The following DLG2 variants were observed in gnomAD, a reference collection of about 807,000 sequenced individuals.
DLG2 encodes the protein discs large MAGUK scaffold protein 2.
Under a neutral mutation model 132.5 loss-of-function variants are expected in DLG2, and 45 were observed. That is an observed-to-expected ratio of 0.34 (90% CI 0.27 to 0.44). DLG2 has a LOEUF of 0.44. Among genes scored for constraint, DLG2 ranks in the 20% least tolerant of loss-of-function variants. The pLI, the probability that DLG2 is intolerant of heterozygous loss-of-function variation, is 1.00. For synonymous variants in DLG2, 424 were observed against 419.6 expected (o/e 1.01, Z -0.13); for missense variants, 1,045 against 1,196.9 (o/e 0.87, Z 1.87).
chr11:84,431,353 A>G (rs1274926223), intron 7 of DLG2, among the ~76,000 whole-genome samples: 1 of 152,204 alleles, frequency 6.6e-6, no homozygotes, highest in Non-Finnish European at 1.5e-5. Context: ...AAAAACTAGT[A>G]GTAATAATCT....
chr11:84,313,866 T>C (rs2098328008), intron 7 of DLG2, among the ~76,000 whole-genome samples: 1 of 152,168 alleles, frequency 6.6e-6, no homozygotes. Flanking sequence ...TAGATGTACA[T>C]TTTGGAACGC....
chr11:84,886,151 G>A (rs187156090), intron 6 of DLG2, among the ~76,000 whole-genome samples: 456 of 152,136 alleles, frequency 3.0e-3, no homozygotes, highest in Middle Eastern at 0.01. Flanking sequence ...TTTGAAGAAT[G>A]GATAATACTG....
At chr11:84,797,064 C>G (rs2074724876) in intron 6 of DLG2, among the ~76,000 whole-genome samples, 1 of 152,062 alleles carries the variant, frequency 6.6e-6, no homozygotes, top group African/African-American at 2.4e-5. Context: ...TCAGGCTGGT[C>G]TAGCACTCCT....
intron 7 of DLG2, among the ~76,000 whole-genome samples, chr11:84,328,030 C>G (rs747667148): frequency 6.6e-6 from 1 of 152,106 alleles, no homozygotes; most frequent in Non-Finnish European, 1.5e-5. Flanking sequence ...TGTCTCTTCC[C>G]CCAACTCTTC....
intron 6 of DLG2, among the ~76,000 whole-genome samples, chr11:84,923,751 T>C (rs1398194840): frequency 6.6e-6 from 1 of 152,128 alleles, no homozygotes; most frequent in Non-Finnish European, 1.5e-5. Context: ...AGGATCATTG[T>C]CATATAAAGT....
chr11:85,577,838 G>A (rs945586212), intron 3 of DLG2, among the ~76,000 whole-genome samples: 3 of 152,004 alleles, frequency 2.0e-5, no homozygotes, highest in Non-Finnish European at 4.4e-5. Context: ...TACATTCAAT[G>A]GTATTCCTAT....
chr11:85,526,578 T>C (rs2074766660), intron 3 of DLG2, among the ~76,000 whole-genome samples: 2 of 152,216 alleles, frequency 1.3e-5, no homozygotes, highest in Admixed American at 1.3e-4. Flanking sequence ...AATCTGGAGT[T>C]ATACCAAGAA....
chr11:83,763,784 T>C (rs1413582442), intron 18 of DLG2, among the ~76,000 whole-genome samples: 2 of 152,186 alleles, frequency 1.3e-5, no homozygotes, highest in Non-Finnish European at 2.9e-5. Context: ...CCAGGACCCA[T>C]ATCCCACTCT....
At chr11:84,729,475 G>A (rs2062891127) in intron 6 of DLG2, among the ~76,000 whole-genome samples, 1 of 152,096 alleles carries the variant, frequency 6.6e-6, no homozygotes, top group African/African-American at 2.4e-5. Context: ...TTTTGCATTT[G>A]CTGAAGCGTG....
chr11:84,700,091 T>C (rs922185945), intron 6 of DLG2, among the ~76,000 whole-genome samples: 2 of 151,712 alleles, frequency 1.3e-5, no homozygotes, highest in African/African-American at 4.8e-5. Context: ...AGTTAATAAA[T>C]GCTACTTTTC....
chr11:84,423,350 A>G (rs977813533), intron 7 of DLG2, among the ~76,000 whole-genome samples: 3 of 152,162 alleles, frequency 2.0e-5, no homozygotes, highest in Admixed American at 6.5e-5. Flanking sequence ...AAGATACTTA[A>G]TAGTTCGACT....
At chr11:84,166,905 C>G in intron 8 of DLG2, 1 of 532,678 alleles carries the variant, frequency 1.9e-6, no homozygotes, top group South Asian at 1.4e-5. Context: ...AGAGTTCGGC[C>G]GAATACATTT....
intron 9 of DLG2, among the ~76,000 whole-genome samples, chr11:84,142,578 G>A (rs1424870811): frequency 6.6e-6 from 1 of 152,098 alleles, no homozygotes; most frequent in African/African-American, 2.4e-5. Context: ...ATTAGCATTT[G>A]AATCAGTAGG....
chr11:85,147,083 T>A (rs1156645299), intron 5 of DLG2, among the ~76,000 whole-genome samples: 1 of 152,168 alleles, frequency 6.6e-6, no homozygotes, highest in Non-Finnish European at 1.5e-5. Context: ...ATACATGCCA[T>A]CGGTTGGGGA....
chr11:84,684,366 A>G (rs2099736180), intron 6 of DLG2, among the ~76,000 whole-genome samples: 1 of 151,964 alleles, frequency 6.6e-6, no homozygotes, highest in African/African-American at 2.4e-5. Flanking sequence ...GACTTCCTTT[A>G]TACAACTTTC....
At chr11:85,445,061 TA>T (rs2091946891) in intron 3 of DLG2, among the ~76,000 whole-genome samples, 1 of 152,104 alleles carries the variant, frequency 6.6e-6, no homozygotes, top group Non-Finnish European at 1.5e-5. Flanking sequence ...ATCTGGGGAA[TA>T]AAAGTGTACT....
intron 6 of DLG2, chr11:84,545,864 T>C (rs1318715478): frequency 6.3e-6 from 1 of 158,610 alleles, no homozygotes; most frequent in African/African-American, 2.4e-5. Flanking sequence ...TAAGTGATTC[T>C]TCCACCTCAG....
chr11:84,301,385 C>G (rs1350015706), intron 7 of DLG2, among the ~76,000 whole-genome samples: 1 of 152,030 alleles, frequency 6.6e-6, no homozygotes, highest in Non-Finnish European at 1.5e-5. Context: ...CAGGCCAGTG[C>G]GGTGGCTCAC....
At chr11:84,680,750 G>C (rs970532574) in intron 6 of DLG2, among the ~76,000 whole-genome samples, 1 of 152,138 alleles carries the variant, frequency 6.6e-6, no homozygotes, top group African/African-American at 2.4e-5. Context: ...TGTACTGCTG[G>C]TTTGAGAATA....
Sources: allele counts gnomAD v4.1 joint callset (sites outside exome capture counted in the v4.1 genomes callset), GRCh38; gene constraint gnomAD v4.1.1; transcripts MANE v1.5; gene names NCBI Gene and HGNC (gene_info 2026-07-23, HGNC 2026-07-21).